Variants in GABRB1 observed in about 807,000 individuals in gnomAD.
GABRB1 encodes the protein gamma-aminobutyric acid receptor subunit beta-1.
GABRB1 carries 17 observed loss-of-function variants against 51.6 expected under a neutral mutation model. The ratio of observed to expected loss-of-function variants is 0.33; its 90% CI spans 0.23 to 0.49. The LOEUF (loss-of-function observed/expected upper bound fraction) is 0.49. Among genes scored for constraint, GABRB1 ranks in the 20% least tolerant of loss-of-function variants. The pLI, the probability that GABRB1 is intolerant of heterozygous loss-of-function variation, is 0.99. For missense variants in GABRB1, 410 were observed against 600.6 expected (o/e 0.68, Z 3.32); for synonymous variants, 247 against 218.9 (o/e 1.13, Z -1.14).
intron 4 of GABRB1, among the ~76,000 whole-genome samples, chr4:47,300,312 G>A (rs1300195949): frequency 1.3e-5 from 2 of 152,086 alleles, no homozygotes; most frequent in African/African-American, 4.8e-5. Flanking sequence ...TAAATAGCCA[G>A]TGATTATTCA....
chr4:47,050,639 A>G (rs1338837843), intron 3 of GABRB1, among the ~76,000 whole-genome samples: 1 of 152,198 alleles, frequency 6.6e-6, no homozygotes, highest in Admixed American at 6.5e-5. Flanking sequence ...TGCTATAAGT[A>G]GACATTCAAC....
chr4:47,046,245 G>C (rs754750773), intron 3 of GABRB1, among the ~76,000 whole-genome samples: 15 of 152,034 alleles, frequency 9.9e-5, no homozygotes, highest in Non-Finnish European at 1.3e-4. Flanking sequence ...CTTCATAGCA[G>C]GGTGAGGACG....
intron 4 of GABRB1, among the ~76,000 whole-genome samples, chr4:47,272,260 G>A (rs546866468): frequency 6.6e-6 from 1 of 152,274 alleles, no homozygotes; most frequent in South Asian, 2.1e-4. Flanking sequence ...CTATGTCTTT[G>A]TATGTGCAGA....
intron 4 of GABRB1, among the ~76,000 whole-genome samples, chr4:47,260,114 T>C (rs983012843): frequency 6.6e-6 from 1 of 152,190 alleles, no homozygotes; most frequent in Non-Finnish European, 1.5e-5. Context: ...TTTGTTGGTT[T>C]AAAGTCTGTT....
At position 47,254,212 on chromosome 4, in the gene GABRB1, T is replaced by G. The variant is rs373343317; in HGVS notation, c.462-65915T>G. Among the ~76,000 whole-genome samples, 5 of 151,892 alleles carry G rather than the reference T, an allele frequency of 3.3e-5. No individual in the cohort carries two copies. In the East Asian group the frequency reaches 7.7e-4, roughly 23 times the overall value. On this transcript the variant is annotated intron_variant, in intron 4 of 8. Transcript: ENST00000295454. The stretch of plus-strand genomic sequence containing the variant: ...ATGCTATCAGAAAATCTCCCTAAAT[T>G]TATTGAGAAAATAAGTTGAAAGAGG...
chr4:47,136,348 C>T (rs141875506), intron 3 of GABRB1, among the ~76,000 whole-genome samples: 8 of 151,982 alleles, frequency 5.3e-5, no homozygotes, highest in South Asian at 2.1e-4. Flanking sequence ...GCTTATGTAA[C>T]GTTAGGGGAT....
intron 4 of GABRB1, among the ~76,000 whole-genome samples, chr4:47,162,377 C>T (rs1717999928): frequency 6.6e-6 from 1 of 151,782 alleles, no homozygotes; most frequent in Admixed American, 6.6e-5. Flanking sequence ...ATTTAATAGG[C>T]TAATCAACCA....
At chr4:47,323,227 T>A (rs1478112306) in intron 5 of GABRB1, among the ~76,000 whole-genome samples, 1 of 152,192 alleles carries the variant, frequency 6.6e-6, no homozygotes, top group Non-Finnish European at 1.5e-5. Flanking sequence ...ATTCTATTGA[T>A]GTTACCCTTA....
intron 4 of GABRB1, among the ~76,000 whole-genome samples, chr4:47,211,603 A>G (rs540051819): frequency 2.0e-5 from 3 of 152,160 alleles, no homozygotes; most frequent in Non-Finnish European, 4.4e-5. Flanking sequence ...AGGCTTGTAT[A>G]TTAGTGTCCT....
At chr4:47,205,437 T>C (rs910513342) in intron 4 of GABRB1, among the ~76,000 whole-genome samples, 2 of 152,162 alleles carry the variant, frequency 1.3e-5, no homozygotes, top group Non-Finnish European at 2.9e-5. Context: ...TAAGTATTCA[T>C]TCTTTATTGA....
intron 4 of GABRB1, among the ~76,000 whole-genome samples, chr4:47,290,516 G>A (rs1054822052): frequency 7.2e-5 from 11 of 152,190 alleles, no homozygotes; most frequent in African/African-American, 2.4e-4. Flanking sequence ...TTGGAACTGG[G>A]TAACAGGCAG....
At position 47,093,920 on chromosome 4, in the gene GABRB1, C is replaced by T. The variant is rs141002712; in HGVS notation, c.240+61436C>T. Among the ~76,000 whole-genome samples, 650 of 151,994 alleles carry T rather than the reference C, an allele frequency of 4.3e-3. 3 individuals carry two copies. Among genetic ancestry groups the T allele is most frequent in the Non-Finnish European group, 7.9e-3 (537 of 68,004 alleles). ...TATAGACTTATCCCAATGAATGGAG[C>T]AGCTTTATACATTTGTCACCATTTC... On this transcript the variant is annotated intron_variant, in intron 3 of 8. Coordinates refer to ENST00000295454, the MANE Select transcript of GABRB1 (RefSeq NM_000812.4).
At chr4:47,003,904 C>A (rs995917044) in intron 1 of GABRB1, among the ~76,000 whole-genome samples, 10 of 152,208 alleles carry the variant, frequency 6.6e-5, no homozygotes, top group Non-Finnish European at 1.2e-4. Context: ...TGTCAGCCCA[C>A]ACATATTTAC....
At chr4:47,083,811 A>G (rs1339297356) in intron 3 of GABRB1, among the ~76,000 whole-genome samples, 2 of 151,962 alleles carry the variant, frequency 1.3e-5, no homozygotes, top group Admixed American at 6.6e-5. Flanking sequence ...ATTGTTCTGG[A>G]TTTTCCCCCA....
intron 8 of GABRB1, among the ~76,000 whole-genome samples, chr4:47,423,220 T>C (rs899908087): frequency 3.3e-5 from 5 of 152,082 alleles, no homozygotes; most frequent in Non-Finnish European, 4.4e-5. Flanking sequence ...CACTATTGAG[T>C]CAACTTTAAG....
intron 4 of GABRB1, among the ~76,000 whole-genome samples, chr4:47,162,046 C>A (rs919726117): frequency 5.3e-5 from 8 of 151,988 alleles, no homozygotes; most frequent in African/African-American, 1.7e-4. Flanking sequence ...AAAATAACAT[C>A]AATTGTTCTT....
At chr4:47,283,570 G>C (rs1168388336) in intron 4 of GABRB1, among the ~76,000 whole-genome samples, 1 of 150,098 alleles carries the variant, frequency 6.7e-6, no homozygotes, top group Non-Finnish European at 1.5e-5. Flanking sequence ...TTGTATTTTT[G>C]GTAGAGACGG....
intron 5 of GABRB1, among the ~76,000 whole-genome samples, chr4:47,367,795 A>G (rs758753686): frequency 6.6e-6 from 1 of 152,200 alleles, no homozygotes. Context: ...CTCTTGTAGA[A>G]CAGAGCCAAG....
At chr4:47,087,149 T>C (rs1012639820) in intron 3 of GABRB1, among the ~76,000 whole-genome samples, 1 of 152,204 alleles carries the variant, frequency 6.6e-6, no homozygotes, top group Non-Finnish European at 1.5e-5. Context: ...TCCATGAGGA[T>C]GGCATAGAAT....
Sources: allele counts gnomAD v4.1 joint callset (sites outside exome capture counted in the v4.1 genomes callset), GRCh38; gene constraint gnomAD v4.1.1; transcripts MANE v1.5; gene names NCBI Gene and HGNC (gene_info 2026-07-23, HGNC 2026-07-21).